Variants in ZNF80 observed in about 807,000 individuals in gnomAD.
The protein encoded by ZNF80 is ZNFPT17.
For missense variants in ZNF80, 394 were observed against 334.1 expected (o/e 1.18, Z -1.40); for synonymous variants, 132 against 119.4 (o/e 1.11, Z -0.69).
rs1560017429 is a variant in ZNF80 at position 114,236,823 on chromosome 3, T to G, written c.252A>C (p.Lys84Asn). The G allele has an allele frequency of 1.2e-6, 2 of 1,614,034 alleles. No individual in the cohort carries two copies. Among genetic ancestry groups the G allele is most frequent in the East Asian group, 2.2e-5 (1 of 44,874 alleles). The stretch of plus-strand genomic sequence containing the variant: ...CGAAGTCGACCTTTTCAGGAAAGGC[T>G]TTTCCACACTCCTGGCATTCATAAG... ...VKPYECQECGKAFPEKVDFVR... is the reference protein window; with the variant it reads ...VKPYECQECGNAFPEKVDFVR... Residue 84 changes from lysine to asparagine, a missense_variant, in exon 1 of 1, where the codon AAA (lysine) becomes AAC (asparagine). Physicochemically the swap from Lys to Asn is moderately conservative, Grantham distance 94. Coordinates refer to ENST00000482457, the MANE Select transcript of ZNF80 (RefSeq NM_007136.4).
At position 114,236,882 on chromosome 3, in the gene ZNF80, C is replaced by G; in HGVS notation, c.193G>C (p.Val65Leu). 2 of 1,614,210 alleles carry G rather than the reference C, an allele frequency of 1.2e-6. No homozygotes were observed. The highest frequency in any genetic ancestry group is 8.5e-7 in the Non-Finnish European group (1 of 1,180,012). Reference sequence around the variant, plus strand: ...CCAGTGTGAATCTGCTGATGTCGAACAAGGAGGCTGTTTTTGTTAAACACG... The same window carrying G: ...CCAGTGTGAATCTGCTGATGTCGAAGAAGGAGGCTGTTTTTGTTAAACACG... ...GSVFNKNSLL[V>L]RHQQIHTGVK... Residue 65 changes from valine to leucine, a missense_variant, in exon 1 of 1, where the codon GTT (valine) becomes CTT (leucine). Val to Leu is a conservative substitution (Grantham distance 32). Coordinates refer to ENST00000482457, the MANE Select transcript of ZNF80 (RefSeq NM_007136.4).
rs1338165450 is a variant in ZNF80, at chr3:114,236,097, T to A, written c.*156A>T. On this transcript the variant is annotated 3_prime_UTR_variant, in exon 1 of 1. Coordinates refer to ENST00000482457, the MANE Select transcript of ZNF80 (RefSeq NM_007136.4). ...CTTCCCACATATCTCATAGAGTTTA[T>A]CTCTGGAAGGAATTCTTCAATGCCA... 1.7e-6 allele frequency: 1 copy of A among 592,140 alleles called. No homozygotes were observed. The allele number at this position is 592,140 out of a possible 1,614,324, so 36.7% of individuals were successfully genotyped here.
Position 114,236,607 on chromosome 3 carries a change from A to C in ZNF80, c.468T>G (p.Thr156=). The C allele has an allele frequency of 6.2e-7, 1 of 1,614,162 alleles. No individual in the cohort carries two copies. Among genetic ancestry groups the C allele is most frequent in the Non-Finnish European group, 8.5e-7 (1 of 1,180,046 alleles). The change falls in exon 1 of 1, where the codon ACT becomes ACG. Residue 156 remains threonine (T), a synonymous_variant. Coordinates refer to ENST00000482457, the MANE Select transcript of ZNF80 (RefSeq NM_007136.4). ...CTTTGCACCCAAAGAGTTTTTCTCCAGTGTGGGTCACACGATGCTGGATGA... is the reference window on the plus strand; with the variant it reads ...CTTTGCACCCAAAGAGTTTTTCTCCCGTGTGGGTCACACGATGCTGGATGA... The part of the protein sequence containing the change: ...SVFIQHRVTH[T]GEKLFGCKEC...
In ZNF80 at chr3:114,236,855, C is replaced by T. The variant is rs144152550; in HGVS notation, c.220G>A (p.Val74Met). 5.6e-6 allele frequency: 9 copies of T among 1,614,176 alleles called. No individual in the cohort carries two copies. Among genetic ancestry groups the T allele is most frequent in the Non-Finnish European group, 7.6e-6 (9 of 1,180,012 alleles). The change falls in exon 1 of 1, where the codon GTG becomes ATG. Residue 74 changes from valine to methionine, a missense_variant. By Grantham distance (21) the Val-to-Met change is conservative. Transcript: ENST00000482457. ...CACTCCTGGCATTCATAAGGCTTCA[C>T]CCCAGTGTGAATCTGCTGATGTCGA... Reference protein sequence around the residue: ...LVRHQQIHTGVKPYECQECGK... With the variant: ...LVRHQQIHTGMKPYECQECGK...
rs1339617479 is a variant in ZNF80 at position 114,236,546 on chromosome 3, T to C, written c.529A>G (p.Thr177Ala). The C allele has an allele frequency of 1.9e-6, 3 of 1,612,656 alleles. No homozygotes were observed. The highest frequency in any genetic ancestry group is 2.7e-5 in the African/African-American group (2 of 74,294). Residue 177 changes from threonine (T) to alanine (A), a missense_variant, in exon 1 of 1, where the codon ACC (threonine) becomes GCC (alanine). Thr to Ala is a moderately conservative substitution (Grantham distance 58, BLOSUM62 0). Coordinates refer to ENST00000482457, the MANE Select transcript of ZNF80 (RefSeq NM_007136.4). ...GKTFYYNSSL[T>A]RHMKIHTGEK... ...CCAGTGTGAATCTTCATGTGCCGGG[T>C]TAAGGAAGAGTTGTAGTAAAAGGTT...
Position 114,236,338 on chromosome 3 carries a change from T to C in ZNF80, c.737A>G (p.Glu246Gly). The C allele has an allele frequency of 6.2e-7, 1 of 1,614,060 alleles. No individual in the cohort carries two copies. The highest frequency in any genetic ancestry group is 8.5e-7 in the Non-Finnish European group (1 of 1,179,924). Reference sequence around the variant, plus strand: ...AAAGTCCTTTCTATGTTCAAGGCACTCATAAGGTTTCTCTCCAGTGTGACT... The same window carrying C: ...AAAGTCCTTTCTATGTTCAAGGCACCCATAAGGTTTCTCTCCAGTGTGACT... ...TRSHTGEKPY[E>G]CLEHRKDFGY... is the part of the protein sequence containing the mutation. Residue 246 changes from glutamate to glycine, a missense_variant, in exon 1 of 1, where the codon GAG becomes GGG. Transcript: ENST00000482457.
At position 114,237,205 on chromosome 3, in the gene ZNF80, G is replaced by GT. The variant is rs1344733751; in HGVS notation, c.-132dup. The GT allele has an allele frequency of 2.2e-5, 17 of 769,448 alleles. No homozygotes were observed. The East Asian group carries it at 4.2e-4, about 19-fold the overall frequency. 47.7% of individuals were successfully genotyped at this position (769,448 alleles called of 1,614,324 possible). The stretch of plus-strand genomic sequence containing the variant: ...AAGAATGAAGCCGCGGACCCTTGTG[G>GT]TGAGTGTTACAGCTCTTAAGGTGGC... On this transcript the variant is annotated 5_prime_UTR_variant, in exon 1 of 1. Coordinates refer to ENST00000482457, the MANE Select transcript of ZNF80 (RefSeq NM_007136.4).
Position 114,236,227 on chromosome 3 carries a change from C to A in ZNF80, c.*26G>T, listed in dbSNP as rs1170800690. 1 of 1,506,036 alleles carries A rather than the reference C, an allele frequency of 6.6e-7. No homozygotes were observed. 93.3% of individuals were successfully genotyped at this position (1,506,036 alleles called of 1,614,324 possible). A position where few individuals can be genotyped will look rare whatever the true frequency, so the allele number is the denominator to read the frequency against. On this transcript the variant is annotated 3_prime_UTR_variant, in exon 1 of 1. Transcript: ENST00000482457. ...ATCAAAGAAAAAAAAAAAAAGAAAA[C>A]CCACAAATTCCCACATCATTTGCAC...
At position 114,236,994 on chromosome 3, in the gene ZNF80, G is replaced by T; in HGVS notation, c.81C>A (p.Asp27Glu). The change falls in exon 1 of 1, where the codon GAC (aspartate) becomes GAA (glutamate). Residue 27 changes from aspartate (D) to glutamate (E), a missense_variant. Asp to Glu is a conservative substitution (Grantham distance 45). Transcript: ENST00000482457. ...CCTGGGAGTCACATTCATGGAGATT[G>T]TCTCCTGTGGAGACCTGCTCCTGTA... Reference protein sequence around the residue: ...QVLQEQVSTGDNLHECDSQGP... With the variant: ...QVLQEQVSTGENLHECDSQGP... The T allele has an allele frequency of 6.2e-7, 1 of 1,614,154 alleles. No individual in the cohort carries two copies. Among genetic ancestry groups the T allele is most frequent in the Non-Finnish European group, 8.5e-7 (1 of 1,179,986 alleles).
In ZNF80 at chr3:114,236,829, A is replaced by C; in HGVS notation, c.246T>G (p.Cys82Trp). Residue 82 changes from cysteine (C) to tryptophan (W), a missense_variant, in exon 1 of 1, where the codon TGT becomes TGG. Physicochemically the swap from Cys to Trp is radical, Grantham distance 215 (BLOSUM62 -2). Transcript: ENST00000482457. ...CGACCTTTTCAGGAAAGGCTTTTCC[A>C]CACTCCTGGCATTCATAAGGCTTCA... is the stretch of plus-strand genomic sequence containing the variant. ...TGVKPYECQECGKAFPEKVDF... is the reference protein window; with the variant it reads ...TGVKPYECQEWGKAFPEKVDF... The C allele has an allele frequency of 6.2e-7, 1 of 1,614,122 alleles. No individual in the cohort carries two copies. The highest frequency in any genetic ancestry group is 8.5e-7 in the Non-Finnish European group (1 of 1,179,982).
chr3:114,236,866 A>C lies in ZNF80; in HGVS notation c.209T>G (p.Ile70Ser). Residue 70 changes from isoleucine to serine, a missense_variant, in exon 1 of 1, where the codon ATT becomes AGT. Ile to Ser is a moderately radical substitution (Grantham distance 142, BLOSUM62 -2). Coordinates refer to ENST00000482457, the MANE Select transcript of ZNF80 (RefSeq NM_007136.4). The stretch of plus-strand genomic sequence containing the variant: ...TTCATAAGGCTTCACCCCAGTGTGA[A>C]TCTGCTGATGTCGAACAAGGAGGCT... ...KNSLLVRHQQ[I>S]HTGVKPYECQ... The C allele has an allele frequency of 6.2e-7, 1 of 1,614,224 alleles. No homozygotes were observed.
chr3:114,236,458 C>A lies in ZNF80; in HGVS notation c.617G>T (p.Arg206Leu), dbSNP rs1331092708. ...TCCTGCAGTGTGGGTCATACTATGT[C>A]GGAAGAAAACAGAGCGGTAGGTGAA... Reference protein sequence around the residue: ...KTFTYRSVFFRHSMTHTAGKP... With the variant: ...KTFTYRSVFFLHSMTHTAGKP... Residue 206 changes from arginine (R) to leucine (L), a missense_variant, in exon 1 of 1, where the codon CGA (arginine) becomes CTA (leucine). Arg to Leu is a moderately radical substitution (Grantham distance 102). Coordinates refer to ENST00000482457, the MANE Select transcript of ZNF80 (RefSeq NM_007136.4). The A allele has an allele frequency of 6.2e-7, 1 of 1,612,474 alleles. No homozygotes were observed.
At position 114,236,804 on chromosome 3, in the gene ZNF80, C is replaced by T. The variant is rs750197286; in HGVS notation, c.271G>A (p.Asp91Asn). 2 of 1,614,068 alleles carry T rather than the reference C, an allele frequency of 1.2e-6. No individual in the cohort carries two copies. The highest frequency in any genetic ancestry group is 2.2e-5 in the South Asian group (2 of 91,048). ...ECGKAFPEKVDFVRPMRIHTG... is the reference protein window; with the variant it reads ...ECGKAFPEKVNFVRPMRIHTG... ...TGAATCCTCATGGGTCGAACGAAGT[C>T]GACCTTTTCAGGAAAGGCTTTTCCA... The change falls in exon 1 of 1, where the codon GAC becomes AAC. Residue 91 changes from aspartate (D) to asparagine (N), a missense_variant. Transcript: ENST00000482457.
rs548462109 is a variant in ZNF80, at chr3:114,234,814, T to C, written c.*1439A>G. 2 of 152,376 alleles carry C rather than the reference T, an allele frequency of 1.3e-5. No homozygotes were observed. The highest frequency in any genetic ancestry group is 4.8e-5 in the African/African-American group (2 of 41,584). The allele number at this position is 152,376 out of a possible 1,614,324, so 9.4% of individuals were successfully genotyped here. On this transcript the variant is annotated 3_prime_UTR_variant, in exon 1 of 1. Transcript: ENST00000482457. The stretch of plus-strand genomic sequence containing the variant: ...ACTATTAACAGTTTTATGCTTATAC[T>C]TCTAGATGTAGTTTTATTTCCTGAA...
Position 114,236,302 on chromosome 3 carries a change from G to C in ZNF80, c.773C>G (p.Ser258Cys), listed in dbSNP as rs1433630530. The C allele has an allele frequency of 5.0e-6, 8 of 1,612,604 alleles. No individual in the cohort carries two copies. In the African/African-American group the frequency reaches 1.1e-4, roughly 22 times the overall value. The change falls in exon 1 of 1, where the codon TCT (serine) becomes TGT (cysteine). Residue 258 changes from serine (S) to cysteine (C), a missense_variant. By Grantham distance (112) the Ser-to-Cys change is moderately radical. Coordinates refer to ENST00000482457, the MANE Select transcript of ZNF80 (RefSeq NM_007136.4). Reference protein sequence around the residue: ...LEHRKDFGYHSAFAQQSKIHS... With the variant: ...LEHRKDFGYHCAFAQQSKIHS... ...GATCTTACTCTGTTGGGCAAAAGCA[G>C]AGTGGTAGCCAAAGTCCTTTCTATG...
In ZNF80 at chr3:114,235,989, T is replaced by G; in HGVS notation, c.*264A>C. ...AAGATATTTCCTGTGGCCAAAAGATTTTCTTCACTAGTTTTTGTCAAAATG... is the reference window on the plus strand; with the variant it reads ...AAGATATTTCCTGTGGCCAAAAGATGTTCTTCACTAGTTTTTGTCAAAATG... On this transcript the variant is annotated 3_prime_UTR_variant, in exon 1 of 1. Transcript: ENST00000482457. The G allele has an allele frequency of 3.1e-6, 1 of 325,306 alleles. No homozygotes were observed. The highest frequency in any genetic ancestry group is 5.6e-6 in the Non-Finnish European group (1 of 178,958). The allele number at this position is 325,306 out of a possible 1,614,324, so 20.2% of individuals were successfully genotyped here. A position where few individuals can be genotyped will look rare whatever the true frequency, so the allele number is the denominator to read the frequency against.
rs570999701 is a variant in ZNF80 at position 114,235,781 on chromosome 3, A to G, written c.*472T>C. The G allele has an allele frequency of 7.2e-5, 11 of 153,324 alleles. No individual in the cohort carries two copies. Among genetic ancestry groups the G allele is most frequent in the African/African-American group, 2.4e-4 (10 of 41,590 alleles). The allele number at this position is 153,324 out of a possible 1,614,324, so 9.5% of individuals were successfully genotyped here. ...AAATTTTGATAGGCATGGCTTTCAGAGAAGTCTGACAGAAGCTATGCATGA... is the reference window on the plus strand; with the variant it reads ...AAATTTTGATAGGCATGGCTTTCAGGGAAGTCTGACAGAAGCTATGCATGA... On this transcript the variant is annotated 3_prime_UTR_variant, in exon 1 of 1. Coordinates refer to ENST00000482457, the MANE Select transcript of ZNF80 (RefSeq NM_007136.4).
In ZNF80 at chr3:114,236,522, C is replaced by T; in HGVS notation, c.553G>A (p.Gly185Arg). ...TCACTGCACTTGCAGGGCTTCTCTC[C>T]AGTGTGAATCTTCATGTGCCGGGTT... ...SLTRHMKIHT[G>R]EKPCKCSECG... is the part of the protein sequence containing the mutation. Residue 185 changes from glycine (G) to arginine (R), a missense_variant, in exon 1 of 1, where the codon GGA (glycine) becomes AGA (arginine). Coordinates refer to ENST00000482457, the MANE Select transcript of ZNF80 (RefSeq NM_007136.4). 5.0e-6 allele frequency: 8 copies of T among 1,614,228 alleles called. No homozygotes were observed. The highest frequency in any genetic ancestry group is 6.8e-6 in the Non-Finnish European group (8 of 1,180,038).
rs150117189 is a variant in ZNF80, at chr3:114,236,515, T to G, written c.560A>C (p.Lys187Thr). Residue 187 changes from lysine to threonine, a missense_variant, in exon 1 of 1, where the codon AAG becomes ACG. Transcript: ENST00000482457. ...TRHMKIHTGE[K>T]PCKCSECGKT... ...CCCGCACTCACTGCACTTGCAGGGC[T>G]TCTCTCCAGTGTGAATCTTCATGTG... 5.0e-5 allele frequency: 81 copies of G among 1,614,108 alleles called. No individual in the cohort carries two copies. Among genetic ancestry groups the G allele is most frequent in the Non-Finnish European group, 6.6e-5 (78 of 1,180,052 alleles).
Sources: allele counts gnomAD v4.1 joint callset, GRCh38; gene constraint gnomAD v4.1.1; transcripts MANE v1.5; gene names NCBI Gene and HGNC (gene_info 2026-07-23, HGNC 2026-07-21).